WDR72: variants seen among roughly 807,000 people sequenced by gnomAD.
The protein encoded by WDR72 is WD repeat domain 72.
Under a neutral mutation model 124.2 loss-of-function variants are expected in WDR72, and 120 were observed. That is an observed-to-expected ratio of 0.97 (90% CI 0.83 to 1.12). The LOEUF is 1.12. Among genes scored for constraint, WDR72 ranks in the 50% most tolerant of loss-of-function variants. The probability of loss-of-function intolerance (pLI) is 0.00; values close to 1 mark genes in which losing one functional copy is unlikely to be tolerated. For missense variants in WDR72, 1,387 were observed against 1,278.8 expected, an observed-to-expected ratio of 1.08 and a Z score of -1.29; for synonymous variants, 452 against 441.7, an observed-to-expected ratio of 1.02 and a Z score of -0.29.
chr15:53,644,345 T>C (rs1036508397), intron 14 of WDR72, among the ~76,000 whole-genome samples: 3 of 152,110 alleles, frequency 2.0e-5, no homozygotes, highest in Admixed American at 6.6e-5. Context: ...AATCGAGACA[T>C]TGAAGAGCTC....
At chr15:53,576,488 T>C (rs2011623933) in intron 18 of WDR72, among the ~76,000 whole-genome samples, 1 of 152,174 alleles carries the variant, frequency 6.6e-6, no homozygotes, top group African/African-American at 2.4e-5. Context: ...CACATCTTAT[T>C]GTACTCCTTG....
chr15:53,572,619 G>C (rs146891413), intron 18 of WDR72, among the ~76,000 whole-genome samples: 70 of 152,268 alleles, frequency 4.6e-4, no homozygotes, highest in Admixed American at 1.2e-3. Context: ...TTTCTTTGTG[G>C]GAGATAATGG....
In WDR72 at chr15:53,655,091, C is replaced by T. The variant is rs147024938; in HGVS notation, c.1962+10481G>A. On this transcript the variant is annotated intron_variant, in intron 14 of 19. Transcript: ENST00000360509. ...ACTAAAAATACAAAAATTAGCTGAG[C>T]GTGGTGGTGCACACCTGTAATCCCA... 2.7e-3 allele frequency among the ~76,000 whole-genome samples: 406 copies of T among 151,760 alleles called. 2 individuals are homozygous for T. The highest frequency in any genetic ancestry group is 4.2e-3 in the Non-Finnish European group (288 of 67,904).
chr15:53,759,286 A>C (rs1414013539), intron 1 of WDR72: 3 of 152,220 alleles, frequency 2.0e-5, no homozygotes, highest in African/African-American at 7.2e-5. Flanking sequence ...TAATAGGGAA[A>C]GGCAGGTCCC....
At chr15:53,587,672 A>T (rs2012287455) in intron 18 of WDR72, among the ~76,000 whole-genome samples, 1 of 152,048 alleles carries the variant, frequency 6.6e-6, no homozygotes, top group East Asian at 1.9e-4. Flanking sequence ...TACTTTTTTT[A>T]AAATTTCAAG....
chr15:53,600,039 G>T (rs937204652), intron 17 of WDR72, among the ~76,000 whole-genome samples: 6 of 152,088 alleles, frequency 3.9e-5, no homozygotes, highest in African/African-American at 1.4e-4. Context: ...CAACTGGAAA[G>T]AAACTCAAAA....
chr15:53,615,674 T>C lies in WDR72; in HGVS notation c.2532A>G (p.Pro844=). 6.2e-7 allele frequency: 1 copy of C among 1,611,664 alleles called. No homozygotes were observed. The highest frequency in any genetic ancestry group is 1.3e-5 in the African/African-American group (1 of 74,816). Reference sequence around the variant, plus strand: ...TTCCACTATTGCATAAATCCCAACCTGGCAACATCAGTGAGAAATTATCTT... The same window carrying C: ...TTCCACTATTGCATAAATCCCAACCCGGCAACATCAGTGAGAAATTATCTT... ...LNEDNFSLML[P]GWDLCNSGMI... Residue 844 remains proline (P), a synonymous_variant, in exon 15 of 20, where the codon CCA becomes CCG. Transcript: ENST00000360509.
intron 14 of WDR72, among the ~76,000 whole-genome samples, chr15:53,620,394 T>G (rs113149978): frequency 2.0e-5 from 3 of 150,948 alleles, no homozygotes; most frequent in Non-Finnish European, 4.4e-5. Context: ...TTTGATCATA[T>G]TTATTTTTTA....
At chr15:53,660,396 G>C (rs1197606188) in intron 14 of WDR72, among the ~76,000 whole-genome samples, 1 of 151,898 alleles carries the variant, frequency 6.6e-6, no homozygotes, top group Non-Finnish European at 1.5e-5. Context: ...GTTATTTTTT[G>C]TGTCATAAAA....
At chr15:53,522,810 A>G (rs144209141) in intron 19 of WDR72, among the ~76,000 whole-genome samples, 80 of 152,150 alleles carry the variant, frequency 5.3e-4, no homozygotes, top group African/African-American at 1.8e-3. Flanking sequence ...TAGAAAGGTA[A>G]ATAGAATTGT....
chr15:53,540,009 AC>A (rs1555405702), intron 18 of WDR72, among the ~76,000 whole-genome samples: 2 of 152,220 alleles, frequency 1.3e-5, no homozygotes, highest in Non-Finnish European at 1.5e-5. Context: ...TGGAATGCAA[AC>A]CAAAGAGCAA....
At chr15:53,675,565 ATTAT>A (rs1192370779) in intron 13 of WDR72, among the ~76,000 whole-genome samples, 8 of 152,180 alleles carry the variant, frequency 5.3e-5, no homozygotes, top group African/African-American at 1.9e-4. Context: ...ATCACGTCGC[ATTAT>A]TTAAATTTAT....
chr15:53,630,447 G>T (rs993961364), intron 14 of WDR72, among the ~76,000 whole-genome samples: 1 of 152,128 alleles, frequency 6.6e-6, no homozygotes, highest in East Asian at 1.9e-4. Context: ...TATAACTATA[G>T]ACACAAAAAT....
chr15:53,629,191 CGAGA>C (rs5812700), intron 14 of WDR72, among the ~76,000 whole-genome samples: 4 of 135,784 alleles, frequency 2.9e-5, no homozygotes, highest in South Asian at 2.4e-4. Context: ...AGAGAGACAG[CGAGA>C]GAGAGAGAGA....
chr15:53,603,949 A>G (rs1467402795), intron 17 of WDR72, among the ~76,000 whole-genome samples: 1 of 152,082 alleles, frequency 6.6e-6, no homozygotes, highest in Non-Finnish European at 1.5e-5. Context: ...CAAGCTATCA[A>G]CGTCATTTTT....
intron 1 of WDR72, among the ~76,000 whole-genome samples, chr15:53,747,035 G>T (rs531151459): frequency 6.6e-6 from 1 of 152,194 alleles, no homozygotes; most frequent in East Asian, 1.9e-4. Flanking sequence ...TGGGTGTTCT[G>T]GTAGGCCAGA....
At chr15:53,703,178 TG>T (rs2017237645) in intron 11 of WDR72, among the ~76,000 whole-genome samples, 1 of 152,200 alleles carries the variant, frequency 6.6e-6, no homozygotes, top group African/African-American at 2.4e-5. Flanking sequence ...CCTTCCAAAG[TG>T]CTGGGATTAC....
At chr15:53,662,857 G>A (rs1567012225) in intron 14 of WDR72, among the ~76,000 whole-genome samples, 1 of 152,010 alleles carries the variant, frequency 6.6e-6, no homozygotes, top group Admixed American at 6.6e-5. Context: ...CTAAGGCAAG[G>A]AGTTTGAGAC....
intron 13 of WDR72, among the ~76,000 whole-genome samples, chr15:53,698,260 C>A (rs974713472): frequency 6.6e-6 from 1 of 152,150 alleles, no homozygotes; most frequent in South Asian, 2.1e-4. Flanking sequence ...CATAAACACT[C>A]GTGAGTGCCC....
Sources: gnomAD v4.1 joint callset for allele counts (sites outside exome capture counted in the v4.1 genomes callset) on GRCh38, gnomAD v4.1.1 for gene constraint, MANE v1.5 for transcripts, NCBI Gene and HGNC (gene_info 2026-07-23, HGNC 2026-07-21) for gene names.